VGLL1: variants seen among roughly 807,000 people sequenced by gnomAD.
VGLL1 encodes vestigial like family member 1.
Under a neutral mutation model 12.0 loss-of-function variants are expected in VGLL1, and 4 were observed. The ratio of observed to expected loss-of-function variants is 0.33; its 90% CI spans 0.16 to 0.76. The LOEUF (loss-of-function observed/expected upper bound fraction) is 0.76. Among genes scored for constraint, VGLL1 ranks in the 30% least tolerant of loss-of-function variants. VGLL1 has a pLI of 0.60. For synonymous variants in VGLL1, 87 were observed against 81.2 expected, an observed-to-expected ratio of 1.07 and a Z score of -0.39; for missense variants, 204 against 208.7, an observed-to-expected ratio of 0.98 and a Z score of 0.14.
At chrX:136,547,340 C>A (rs919192359) in intron 2 of VGLL1, among the ~76,000 whole-genome samples, 1 of 112,180 alleles carries the variant, frequency 8.9e-6, no homozygotes, top group African/African-American at 3.2e-5. Context: ...CATTTGAGAT[C>A]TCAGATTCAG....
chrX:136,535,699 C>A (rs2075837770), intron 1 of VGLL1, among the ~76,000 whole-genome samples: 1 of 111,576 alleles, frequency 9.0e-6, no homozygotes, highest in African/African-American at 3.3e-5. Context: ...TGTCCTCCCA[C>A]CTCCCCATTT....
intron 2 of VGLL1, among the ~76,000 whole-genome samples, chrX:136,543,704 A>G (rs2075862343): frequency 9.1e-6 from 1 of 109,445 alleles, no homozygotes; most frequent in South Asian, 4.1e-4. Flanking sequence ...AACTGAGGCT[A>G]CAGTGAGCTA....
chrX:136,546,239 A>G (rs2075869370), intron 2 of VGLL1, among the ~76,000 whole-genome samples: 1 of 111,784 alleles, frequency 8.9e-6, no homozygotes, highest in Non-Finnish European at 1.9e-5. Flanking sequence ...AGCAGCCTTG[A>G]GCCAGTGCAG....
In VGLL1 at chrX:136,553,248, C is replaced by T. The variant is rs767117533; in HGVS notation, c.688+2427C>T. 1.2e-4 allele frequency among the ~76,000 whole-genome samples: 13 copies of T among 110,145 alleles called. 1 individual carries two copies. The highest frequency in any genetic ancestry group is 1.1e-3 in the Admixed American group (12 of 10,479). ...TTGTTCACTGCCCAGATCCTGCTCC[C>T]CCACTTCCTGGGGGAGTAGATTTGG... is the stretch of plus-strand genomic sequence containing the variant. On this transcript the variant is annotated intron_variant, in intron 4 of 4. Transcript: ENST00000370634.
At chrX:136,532,649 CT>C (rs1321550757) in intron 1 of VGLL1, among the ~76,000 whole-genome samples, 2 of 51,627 alleles carry the variant, frequency 3.9e-5, no homozygotes, top group African/African-American at 1.4e-4. Flanking sequence ...TTCTTTCTTT[CT>C]TTCTTTCTTT....
intron 2 of VGLL1, among the ~76,000 whole-genome samples, chrX:136,540,702 C>T (rs2075853703): frequency 8.9e-6 from 1 of 111,881 alleles, no homozygotes; most frequent in African/African-American, 3.2e-5. Context: ...TTTCTAAGTA[C>T]CTACCACAAT....
chrX:136,533,888 A>C (rs962314113), intron 1 of VGLL1, among the ~76,000 whole-genome samples: 4 of 112,395 alleles, frequency 3.6e-5, no homozygotes, highest in African/African-American at 1.3e-4. Flanking sequence ...GCCACTCCCC[A>C]GTTGTGTAGC....
chrX:136,555,653 T>C (rs1156499191), intron 4 of VGLL1, among the ~76,000 whole-genome samples: 2 of 111,863 alleles, frequency 1.8e-5, no homozygotes, highest in African/African-American at 3.3e-5. Flanking sequence ...CAGATGCAAA[T>C]TGATTTTCAG....
intron 2 of VGLL1, among the ~76,000 whole-genome samples, chrX:136,545,823 G>A (rs2075868171): frequency 9.0e-6 from 1 of 111,259 alleles, no homozygotes; most frequent in African/African-American, 3.3e-5. Flanking sequence ...GAAATGTGTG[G>A]CGCCTCTGGG....
intron 4 of VGLL1, among the ~76,000 whole-genome samples, chrX:136,552,036 G>A (rs929870010): frequency 1.2e-4 from 13 of 111,760 alleles, no homozygotes; most frequent in Non-Finnish European, 1.9e-5. Context: ...CCACTAGAAT[G>A]TCAACCCCAT....
intron 2 of VGLL1, among the ~76,000 whole-genome samples, chrX:136,542,577 C>A (rs768320639): frequency 1.8e-5 from 2 of 112,558 alleles, no homozygotes; most frequent in South Asian, 3.6e-4. Context: ...TATGAAAATT[C>A]CCCCAGCTGC....
intron 2 of VGLL1, among the ~76,000 whole-genome samples, chrX:136,547,350 G>A (rs1367688690): frequency 2.7e-5 from 3 of 112,192 alleles, no homozygotes; most frequent in African/African-American, 9.7e-5. Context: ...CTCAGATTCA[G>A]CGGCTATCAT....
At chrX:136,546,909 A>G (rs925420242) in intron 2 of VGLL1, among the ~76,000 whole-genome samples, 4 of 112,969 alleles carry the variant, frequency 3.5e-5, no homozygotes, top group Non-Finnish European at 7.5e-5. Context: ...CTTTGGTTTC[A>G]TAAGAAGGGC....
At position 136,543,977 on chromosome X, in the gene VGLL1, C is replaced by T. The variant is rs1164491328; in HGVS notation, c.215-4612C>T. Reference sequence around the variant, plus strand: ...ACTATTTACAAACATAAAATATACTCCTTTTTGGAAATTTAGAAAACACAG... The same window carrying T: ...ACTATTTACAAACATAAAATATACTTCTTTTTGGAAATTTAGAAAACACAG... On this transcript the variant is annotated intron_variant, in intron 2 of 4. Coordinates refer to ENST00000370634, the MANE Select transcript of VGLL1 (RefSeq NM_016267.4). Among the ~76,000 whole-genome samples, 3 of 111,805 alleles carry T rather than the reference C, an allele frequency of 2.7e-5. No individual in the cohort carries two copies. The Admixed American group carries it at 2.8e-4, about 11-fold the overall frequency.
intron 2 of VGLL1, among the ~76,000 whole-genome samples, chrX:136,543,123 T>C (rs1229906154): frequency 4.5e-5 from 5 of 111,662 alleles, no homozygotes; most frequent in Non-Finnish European, 9.4e-5. Flanking sequence ...GAATACTAGC[T>C]CATATTCTGT....
chrX:136,548,086 C>T (rs1443291872), intron 2 of VGLL1, among the ~76,000 whole-genome samples: 4 of 111,512 alleles, frequency 3.6e-5, no homozygotes, highest in Middle Eastern at 4.6e-3. Context: ...CTGCAACATC[C>T]GCCTCCTGGG....
chrX:136,550,920 AAAACC>A, intron 4 of VGLL1, 99 bp downstream of exon 4: 1 of 756,035 alleles, frequency 1.3e-6, no homozygotes, highest in Non-Finnish European at 2.0e-6. Flanking sequence ...CTGGTAGTAT[AAAACC>A]CAGAGTCTCC....
intron 4 of VGLL1, 88 bp downstream of exon 4, chrX:136,550,909 ACTG>A: frequency 2.4e-6 from 2 of 837,645 alleles, no homozygotes; most frequent in Non-Finnish European, 3.6e-6. Flanking sequence ...TACTGGAGAC[ACTG>A]GTAGTATAAA....
chrX:136,538,074 G>A (rs1284113935), intron 2 of VGLL1, among the ~76,000 whole-genome samples: 1 of 111,733 alleles, frequency 8.9e-6, no homozygotes, highest in African/African-American at 3.3e-5. Context: ...GGCCAGGTGT[G>A]TCTATTTGCT....
Sources: gnomAD v4.1 joint callset for allele counts (sites outside exome capture counted in the v4.1 genomes callset) on GRCh38, gnomAD v4.1.1 for gene constraint, MANE v1.5 for transcripts, NCBI Gene and HGNC (gene_info 2026-07-23, HGNC 2026-07-21) for gene names.